ATR: variants seen among roughly 807,000 people sequenced by gnomAD.
The protein encoded by ATR is ATR checkpoint kinase.
A neutral mutation model predicts 305.3 loss-of-function variants in ATR; 142 were observed. The observed-to-expected ratio is 0.47, with a 90% CI of 0.41 to 0.53. The LOEUF is 0.53. ATR is among the 20% of genes least tolerant of loss of function. ATR has a pLI of 0.00. For synonymous variants in ATR, 1,050 were observed against 1,068.1 expected, an observed-to-expected ratio of 0.98 and a Z score of 0.33; for missense variants, 2,135 against 3,133.1, an observed-to-expected ratio of 0.68 and a Z score of 7.60.
Position 142,450,832 on chromosome 3 carries a change from G to C in ATR, c.7762-1230C>G, listed in dbSNP as rs138031504. On this transcript the variant is annotated intron_variant, in intron 46 of 46. Coordinates refer to ENST00000350721, the MANE Select transcript of ATR (RefSeq NM_001184.4). ...CCAACCACAAGCAGACAGAGCTTCCGTTCAGTTGCCATTTCTGGAAGTGTT... is the reference window on the plus strand; with the variant it reads ...CCAACCACAAGCAGACAGAGCTTCCCTTCAGTTGCCATTTCTGGAAGTGTT... The C allele has an allele frequency of 5.8e-6, 8 of 1,370,406 alleles. No homozygotes were observed. The South Asian group carries it at 1.0e-4, about 18-fold the overall frequency. The allele number at this position is 1,370,406 out of a possible 1,614,324, so 84.9% of individuals were successfully genotyped here.
rs547896470 is a variant in ATR at position 142,534,797 on chromosome 3, T to C, written c.3945+283A>G. On this transcript the variant is annotated intron_variant, in intron 21 of 46. Coordinates refer to ENST00000350721, the MANE Select transcript of ATR (RefSeq NM_001184.4). The stretch of plus-strand genomic sequence containing the variant: ...TGAGAAGACTTACATAAACTGCTGC[T>C]GTATTATACAATTATATACATGTTT... Among the ~76,000 whole-genome samples the C allele has an allele frequency of 3.3e-5, 5 of 152,348 alleles. No homozygotes were observed. The South Asian group carries it at 8.3e-4, about 25-fold the overall frequency.
chr3:142,514,899 C>T (rs182839692), intron 25 of ATR, among the ~76,000 whole-genome samples: 3 of 150,494 alleles, frequency 2.0e-5, no homozygotes, highest in East Asian at 3.9e-4. Flanking sequence ...ACACAGAGTA[C>T]CTTTTGTCTA....
chr3:142,515,966 A>G (rs953146254), intron 24 of ATR, among the ~76,000 whole-genome samples: 3 of 152,162 alleles, frequency 2.0e-5, no homozygotes, highest in African/African-American at 4.8e-5. Context: ...GAAGTTTCCA[A>G]TGACTTTCTT....
chr3:142,484,592 T>C (rs371287886), intron 36 of ATR, among the ~76,000 whole-genome samples: 71 of 152,276 alleles, frequency 4.7e-4, no homozygotes, highest in African/African-American at 1.5e-3. Flanking sequence ...TTTCCCTGAG[T>C]TCTGTGAGCC....
chr3:142,462,036 C>T lies in ATR; in HGVS notation c.7096G>A (p.Ala2366Thr). 1 of 1,613,224 alleles carries T rather than the reference C, an allele frequency of 6.2e-7. No homozygotes were observed. The highest frequency in any genetic ancestry group is 8.5e-7 in the Non-Finnish European group (1 of 1,179,468). ...RRRELHIRTY[A>T]VIPLNDECGI... ...CATTCATCATTTAGTGGAATAACTGCATATGTTCGAATATGAAGTTCTCTT... is the reference window on the plus strand; with the variant it reads ...CATTCATCATTTAGTGGAATAACTGTATATGTTCGAATATGAAGTTCTCTT... The change falls in exon 42 of 47, where the codon GCA becomes ACA. Residue 2366 changes from alanine (A) to threonine (T), a missense_variant. Ala to Thr is a moderately conservative substitution (Grantham distance 58). Transcript: ENST00000350721.
chr3:142,472,551 G>A (rs2071312643), intron 36 of ATR, among the ~76,000 whole-genome samples: 1 of 151,848 alleles, frequency 6.6e-6, no homozygotes, highest in Non-Finnish European at 1.5e-5. Flanking sequence ...TACCTCTGTT[G>A]GTCATTTTTA....
At chr3:142,506,533 A>G (rs1335195167) in intron 28 of ATR, among the ~76,000 whole-genome samples, 1 of 152,006 alleles carries the variant, frequency 6.6e-6, no homozygotes, top group African/African-American at 2.4e-5. Context: ...CAAAAAATAC[A>G]AAAAATTAGC....
Position 142,550,244 on chromosome 3 carries a change from T to C in ATR, c.2864A>G (p.Gln955Arg). 2.5e-6 allele frequency: 4 copies of C among 1,614,208 alleles called. No individual in the cohort carries two copies. Among genetic ancestry groups the C allele is most frequent in the Middle Eastern group, 1.6e-4 (1 of 6,062 alleles). The change falls in exon 14 of 47, where the codon CAG (glutamine) becomes CGG (arginine). Residue 955 changes from glutamine to arginine, a missense_variant. Gln to Arg is a conservative substitution (Grantham distance 43). Around this residue, in one of 9 missense-constraint regions of ATR, gnomAD observed 530 missense variants for 766.8 expected, o/e 0.69. Transcript: ENST00000350721. ...QMTALPNTPC[Q>R]NADVRKQDVA... Reference sequence around the variant, plus strand: ...ATCTTGTTTTCGCACGTCAGCATTCTGGCATGGAGTATTCGGAAGTGCTGT... The same window carrying C: ...ATCTTGTTTTCGCACGTCAGCATTCCGGCATGGAGTATTCGGAAGTGCTGT...
At position 142,508,088 on chromosome 3, in the gene ATR, T is replaced by C. The variant is rs2108361450; in HGVS notation, c.4874A>G (p.Asp1625Gly). 8.7e-6 allele frequency: 14 copies of C among 1,612,552 alleles called. No homozygotes were observed. The highest frequency in any genetic ancestry group is 1.1e-5 in the Non-Finnish European group (13 of 1,179,442). The change falls in exon 28 of 47, where the codon GAC (aspartate) becomes GGC (glycine). Residue 1625 changes from aspartate to glycine, a missense_variant. Coordinates refer to ENST00000350721, the MANE Select transcript of ATR (RefSeq NM_001184.4). ...DSMVSTVDYE[D>G]YQSVTRFLDL... is the part of the protein sequence containing the mutation. ...TAGAAAACGGGTTACACTCTGATAGTCTTCATAATCCACAGTAGATACTAG... is the reference window on the plus strand; with the variant it reads ...TAGAAAACGGGTTACACTCTGATAGCCTTCATAATCCACAGTAGATACTAG...
intron 1 of ATR, among the ~76,000 whole-genome samples, chr3:142,577,116 T>G (rs1204045001): frequency 6.6e-6 from 1 of 152,210 alleles, no homozygotes; most frequent in East Asian, 1.9e-4. Context: ...CTTTTTTGAT[T>G]CAAGTAGTTG....
chr3:142,562,376 T>C lies in ATR; in HGVS notation c.1026A>G (p.Leu342=), dbSNP rs2108487080. The change falls in exon 4 of 47, where the codon CTA becomes CTG. Residue 342 remains leucine, a synonymous_variant. Coordinates refer to ENST00000350721, the MANE Select transcript of ATR (RefSeq NM_001184.4). ...GCAGTAAATGGCACAAAGCTGCTTT[T>C]AGCAAATCAGACTTAAGCCGCATGA... ...GVLMRLKSDL[L]KAALCHLLQY... 6.2e-7 allele frequency: 1 copy of C among 1,614,160 alleles called. No homozygotes were observed. The highest frequency in any genetic ancestry group is 2.2e-5 in the East Asian group (1 of 44,878).
rs74269486 is a variant in ATR at position 142,512,220 on chromosome 3, T to TAAA, written c.4852+37_4852+39dup. The TAAA allele has an allele frequency of 8.0e-4, 992 of 1,244,244 alleles. 1 individual carries two copies. Among genetic ancestry groups the TAAA allele is most frequent in the African/African-American group, 1.7e-3 (102 of 58,686 alleles). The allele number at this position is 1,244,244 out of a possible 1,614,324, so 77.1% of individuals were successfully genotyped here. On this transcript the variant is annotated intron_variant, in intron 27 of 46. Coordinates refer to ENST00000350721, the MANE Select transcript of ATR (RefSeq NM_001184.4). ...AGGGAAGAGCTAATTGGTGAATAGC[T>TAAA]AAAAAAAAAAAAAAAAAAGAAACAG...
intron 12 of ATR, 68 bp from the exon 13 acceptor site, chr3:142,553,466 ACATATG>A: frequency 6.6e-7 from 1 of 1,506,760 alleles, no homozygotes; most frequent in Non-Finnish European, 9.1e-7. Flanking sequence ...ACATACACAC[ACATATG>A]TATCTCCAAT....
chr3:142,531,724 A>G (rs1485710329), intron 21 of ATR, among the ~76,000 whole-genome samples: 1 of 152,204 alleles, frequency 6.6e-6, no homozygotes, highest in Non-Finnish European at 1.5e-5. Context: ...ATATGTGTGC[A>G]TGTGTCTTTA....
rs752599568 is a variant in ATR at position 142,562,872 on chromosome 3, CGGCTCATGACCACT to C, written c.516_529del (p.Val173IlefsTer7). 7 of 1,610,466 alleles carry C rather than the reference CGGCTCATGACCACT, an allele frequency of 4.3e-6. No homozygotes were observed. On this transcript the variant is annotated frameshift_variant, in exon 4 of 47. Transcript: ENST00000350721. LOFTEE classifies it high-confidence loss of function. ...GTGTTCATCTAATTGACTTAAAAAT[CGGCTCATGACCACT>C]GGCCATTCCACAGCATGACCCATCA...
intron 35 of ATR, among the ~76,000 whole-genome samples, chr3:142,491,150 C>T (rs1389451004): frequency 6.6e-6 from 1 of 152,082 alleles, no homozygotes; most frequent in Non-Finnish European, 1.5e-5. Flanking sequence ...CCAGCCCCAA[C>T]CTCAGTCTCT....
At chr3:142,531,168 G>A (rs2033623643) in intron 21 of ATR, among the ~76,000 whole-genome samples, 1 of 151,908 alleles carries the variant, frequency 6.6e-6, no homozygotes, top group Non-Finnish European at 1.5e-5. Flanking sequence ...GATATTTCAG[G>A]GGCTACACAG....
At chr3:142,557,762 A>G (rs2034724554) in intron 8 of ATR, among the ~76,000 whole-genome samples, 1 of 152,120 alleles carries the variant, frequency 6.6e-6, no homozygotes, top group South Asian at 2.1e-4. Flanking sequence ...CCTCCCTAGT[A>G]GCTGGGACTA....
intron 21 of ATR, among the ~76,000 whole-genome samples, chr3:142,526,458 C>T (rs945968240): frequency 2.0e-5 from 3 of 151,742 alleles, no homozygotes; most frequent in African/African-American, 7.3e-5. Flanking sequence ...AATAGGAAAC[C>T]TTGCTTTCAG....
Sources: gnomAD v4.1 joint callset for allele counts (sites outside exome capture counted in the v4.1 genomes callset) on GRCh38, gnomAD v4.1.1 for gene constraint, gnomAD v4.1.1 regional missense constraint, MANE v1.5 for transcripts, NCBI Gene and HGNC (gene_info 2026-07-23, HGNC 2026-07-21) for gene names.